The following PANX1 variants were observed in gnomAD, a reference collection of about 807,000 sequenced individuals.
PANX1 encodes the protein pannexin-1.
A neutral mutation model predicts 38.7 loss-of-function variants in PANX1; 30 were observed. The ratio of observed to expected loss-of-function variants is 0.78; its 90% confidence interval spans 0.58 to 1.05. The LOEUF (loss-of-function observed/expected upper bound fraction) is 1.05. Among genes scored for constraint, PANX1 ranks in the 50% least tolerant of loss-of-function variants. PANX1 has a pLI of 0.00. For missense variants in PANX1, 551 were observed against 517.2 expected, an observed-to-expected ratio of 1.07 and a Z score of -0.63; for synonymous variants, 230 against 212.2, an observed-to-expected ratio of 1.08 and a Z score of -0.73.
At chr11:94,146,295 T>C (rs1346462521) in intron 1 of PANX1, among the ~76,000 whole-genome samples, 5 of 152,246 alleles carry the variant, frequency 3.3e-5, no homozygotes, top group Non-Finnish European at 5.9e-5. Flanking sequence ...GAGAAAGCTC[T>C]TCTTAATCCA....
intron 2 of PANX1, among the ~76,000 whole-genome samples, chr11:94,158,554 G>A (rs1021223514): frequency 6.6e-6 from 1 of 151,948 alleles, no homozygotes; most frequent in Admixed American, 6.6e-5. Context: ...CTGTTTGTCT[G>A]TTATTGGTGT....
At chr11:94,179,527 T>C (rs1809164253) in intron 3 of PANX1, 75 bp from the exon 4 acceptor site, 1 of 1,058,354 alleles carries the variant, frequency 9.4e-7, no homozygotes, top group Non-Finnish European at 1.4e-6. Context: ...GTGACATTGT[T>C]GAATGTGTAT....
At chr11:94,140,938 A>G (rs565134953) in intron 1 of PANX1, among the ~76,000 whole-genome samples, 1 of 152,294 alleles carries the variant, frequency 6.6e-6, no homozygotes, top group South Asian at 2.1e-4. Context: ...TCTACTTAAT[A>G]TTTCATTTCA....
chr11:94,149,823 C>T (rs1946865617), intron 1 of PANX1, among the ~76,000 whole-genome samples: 1 of 152,086 alleles, frequency 6.6e-6, no homozygotes, highest in Non-Finnish European at 1.5e-5. Flanking sequence ...GATACTTTAA[C>T]ATTAATTGAG....
In PANX1 at chr11:94,180,272, T is replaced by C; in HGVS notation, c.1201+15T>C. On this transcript the variant is annotated intron_variant, in intron 4 of 4. Transcript: ENST00000227638. ...AGAGCTCCAAGGTAGGGTTTGCTTT[T>C]GGCAGAGGCTACGGGAGTCTACCGA... 1 of 1,585,076 alleles carries C rather than the reference T, an allele frequency of 6.3e-7. No homozygotes were observed. Among genetic ancestry groups the C allele is most frequent in the Non-Finnish European group, 8.6e-7 (1 of 1,162,502 alleles).
At chr11:94,150,230 C>T (rs1194300493) in intron 1 of PANX1, among the ~76,000 whole-genome samples, 1 of 152,116 alleles carries the variant, frequency 6.6e-6, no homozygotes, top group Non-Finnish European at 1.5e-5. Flanking sequence ...CCTATACAAG[C>T]CACAGCCTTC....
Position 94,179,604 on chromosome 11 carries a change from T to G in PANX1, c.548T>G (p.Leu183Trp). The G allele has an allele frequency of 6.2e-7, 1 of 1,611,900 alleles. No homozygotes were observed. Among genetic ancestry groups the G allele is most frequent in the Non-Finnish European group, 8.5e-7 (1 of 1,178,278 alleles). Residue 183 changes from leucine (L) to tryptophan (W), a missense_variant and splice_region_variant, in exon 4 of 5, where the codon TTG (leucine) becomes TGG (tryptophan). Coordinates refer to ENST00000227638, the MANE Select transcript of PANX1 (RefSeq NM_015368.4). ...PGVTENLGQS[L>W]WEVSESHFKY... is the part of the protein sequence containing the mutation. The stretch of plus-strand genomic sequence containing the variant: ...TTTTTGTTTCCTTTATTTTTTAGTT[T>G]GTGGGAGGTATCTGAAAGCCACTTC...
At chr11:94,140,902 A>G (rs747599073) in intron 1 of PANX1, among the ~76,000 whole-genome samples, 31 of 152,224 alleles carry the variant, frequency 2.0e-4, no homozygotes, top group Admixed American at 3.9e-4. Flanking sequence ...AGTAATAAGA[A>G]TAGCATTATT....
At chr11:94,171,411 C>A (rs1177992971) in intron 2 of PANX1, among the ~76,000 whole-genome samples, 1 of 151,692 alleles carries the variant, frequency 6.6e-6, no homozygotes, top group African/African-American at 2.4e-5. Context: ...AGACTGTAAG[C>A]TTTATGCAGG....
At chr11:94,177,741 C>A (rs923983960) in intron 2 of PANX1, among the ~76,000 whole-genome samples, 3 of 149,670 alleles carry the variant, frequency 2.0e-5, no homozygotes, top group Non-Finnish European at 4.5e-5. Flanking sequence ...TTGTGGATGG[C>A]CTCTCTGAGC....
intron 2 of PANX1, among the ~76,000 whole-genome samples, chr11:94,158,469 T>G (rs889207414): frequency 2.6e-5 from 4 of 152,100 alleles, no homozygotes; most frequent in Non-Finnish European, 5.9e-5. Flanking sequence ...TTCACATCCC[T>G]TGTAAGTTGG....
At chr11:94,172,279 G>A (rs941731379) in intron 2 of PANX1, among the ~76,000 whole-genome samples, 4 of 141,490 alleles carry the variant, frequency 2.8e-5, no homozygotes, top group Admixed American at 6.9e-5. Context: ...CCATCTTGCC[G>A]TACAATGTGG....
intron 2 of PANX1, among the ~76,000 whole-genome samples, chr11:94,176,562 G>A (rs948529331): frequency 4.6e-5 from 7 of 151,686 alleles, no homozygotes; most frequent in Admixed American, 2.0e-4. Flanking sequence ...AACTGAGTGA[G>A]GGGCTTATGG....
At chr11:94,134,827 G>C (rs370220639) in intron 1 of PANX1, among the ~76,000 whole-genome samples, 2 of 152,124 alleles carry the variant, frequency 1.3e-5, no homozygotes, top group Non-Finnish European at 2.9e-5. Flanking sequence ...ACCAGACACC[G>C]AATCTGCTGG....
intron 2 of PANX1, among the ~76,000 whole-genome samples, chr11:94,159,008 A>C (rs569449335): frequency 1.3e-5 from 2 of 152,316 alleles, no homozygotes; most frequent in South Asian, 2.1e-4. Context: ...TGAGATAATC[A>C]TACGGTTTTT....
chr11:94,178,781 C>A (rs1388670960), intron 3 of PANX1, among the ~76,000 whole-genome samples, 189 bp downstream of exon 3: 1 of 152,114 alleles, frequency 6.6e-6, no homozygotes, highest in Non-Finnish European at 1.5e-5. Flanking sequence ...TCACCGCGAC[C>A]CATCCTACCC....
chr11:94,133,058 A>G (rs987905599), intron 1 of PANX1, among the ~76,000 whole-genome samples: 2 of 152,184 alleles, frequency 1.3e-5, no homozygotes, highest in Non-Finnish European at 2.9e-5. Flanking sequence ...CCTCTCAGAA[A>G]AGAGGGACTG....
At chr11:94,138,933 A>T (rs1017843253) in intron 1 of PANX1, among the ~76,000 whole-genome samples, 1 of 152,220 alleles carries the variant, frequency 6.6e-6, no homozygotes, top group African/African-American at 2.4e-5. Flanking sequence ...TCAGTTTTTT[A>T]AAATGATCTT....
intron 2 of PANX1, among the ~76,000 whole-genome samples, chr11:94,170,078 T>C (rs1044210087): frequency 2.0e-5 from 3 of 151,810 alleles, no homozygotes; most frequent in Non-Finnish European, 4.4e-5. Context: ...ACATAAAATT[T>C]ACCTTTCTCT....
Sources: allele counts gnomAD v4.1 joint callset (sites outside exome capture counted in the v4.1 genomes callset), GRCh38; gene constraint gnomAD v4.1.1; transcripts MANE v1.5; gene names NCBI Gene and HGNC (gene_info 2026-07-23, HGNC 2026-07-21).